Variants in MBOAT1 observed in about 807,000 individuals in gnomAD.
The protein encoded by MBOAT1 is membrane bound glycerophospholipid O-acyltransferase 1, also known as membrane-bound glycerophospholipid O-acyltransferase 1.
In MBOAT1, 67 loss-of-function variants were observed where a neutral mutation model predicts 64.4. The observed-to-expected ratio is 1.04, with a 90% CI of 0.85 to 1.27. The LOEUF (loss-of-function observed/expected upper bound fraction) is 1.27. Among genes scored for constraint, MBOAT1 ranks in the 50% most tolerant of loss-of-function variants. The probability of loss-of-function intolerance (pLI) is 0.00; values close to 1 mark genes in which losing one functional copy is unlikely to be tolerated. For missense variants in MBOAT1, 563 were observed against 604.6 expected (o/e 0.93, Z 0.72); for synonymous variants, 229 against 218.9 (o/e 1.05, Z -0.41).
chr6:20,102,514 T>A, intron 12 of MBOAT1, 102 bp from the exon 13 acceptor site: 2 of 992,322 alleles, frequency 2.0e-6, no homozygotes, highest in Non-Finnish European at 2.9e-6. Flanking sequence ...GAGCACCGCT[T>A]TTGGCAGTAG....
chr6:20,155,493 T>A (rs1761650681), intron 1 of MBOAT1, among the ~76,000 whole-genome samples: 1 of 152,222 alleles, frequency 6.6e-6, no homozygotes, highest in Admixed American at 6.5e-5. Context: ...GGGCTTCGAT[T>A]CCTTTATTTC....
intron 1 of MBOAT1, among the ~76,000 whole-genome samples, chr6:20,183,689 ACAAAAG>A (rs1762569761): frequency 6.6e-6 from 1 of 152,378 alleles, no homozygotes; most frequent in Non-Finnish European, 1.5e-5. Flanking sequence ...TTGTGACTGC[ACAAAAG>A]TATTGCTTCT....
At chr6:20,110,688 A>G (rs1423724821) in intron 11 of MBOAT1, among the ~76,000 whole-genome samples, 2 of 152,168 alleles carry the variant, frequency 1.3e-5, no homozygotes, top group South Asian at 2.1e-4. Flanking sequence ...ATTCATATGT[A>G]TCCATGTTAA....
At chr6:20,123,090 A>C (rs1760541468) in intron 8 of MBOAT1, among the ~76,000 whole-genome samples, 1 of 152,114 alleles carries the variant, frequency 6.6e-6, no homozygotes, top group Non-Finnish European at 1.5e-5. Flanking sequence ...TTAGCCTCCC[A>C]AAGTGCTAGG....
rs1432730725 is a variant in MBOAT1 at position 20,111,805 on chromosome 6, C to CATATAGATACATATATATACAT, written c.1209+1070_1209+1071insATGTATATATATGTATCTATAT. On this transcript the variant is annotated intron_variant, in intron 11 of 12. Transcript: ENST00000324607. ...AGCATGAACAGTAATCCACTTTGTTCATATATATACATATATATACATATA... is the reference window on the plus strand; with the variant it reads ...AGCATGAACAGTAATCCACTTTGTTCATATAGATACATATATATACATATATATATACATATATATACATATA... Among the ~76,000 whole-genome samples, 325 of 59,256 alleles carry CATATAGATACATATATATACAT rather than the reference C, an allele frequency of 5.5e-3. 5 individuals are homozygous for CATATAGATACATATATATACAT. Among genetic ancestry groups the CATATAGATACATATATATACAT allele is most frequent in the Middle Eastern group, 0.037 (4 of 108 alleles). The allele number at this position is 59,256 out of a possible 152,430, so 38.9% of individuals were successfully genotyped here.
At chr6:20,115,430 G>A (rs1051662144) in intron 9 of MBOAT1, 78 bp from the exon 10 acceptor site, 4 of 1,204,888 alleles carry the variant, frequency 3.3e-6, no homozygotes, top group Non-Finnish European at 4.9e-6. Flanking sequence ...AGTTTCCCTG[G>A]CAGCAGGTTA....
At chr6:20,177,792 CAA>C (rs80095138) in intron 1 of MBOAT1, among the ~76,000 whole-genome samples, 1 of 57,184 alleles carries the variant, frequency 1.7e-5, no homozygotes, top group Non-Finnish European at 4.3e-5. Context: ...AAAAAAAAAA[CAA>C]AAAACTTGGT....
intron 4 of MBOAT1, among the ~76,000 whole-genome samples, chr6:20,139,608 C>T (rs1201226193): frequency 8.3e-6 from 1 of 120,750 alleles, no homozygotes; most frequent in Non-Finnish European, 1.6e-5. Context: ...AGGTGGAGTA[C>T]AGTGGCATTA....
At chr6:20,139,439 T>C (rs879749484) in intron 4 of MBOAT1, among the ~76,000 whole-genome samples, 3 of 151,676 alleles carry the variant, frequency 2.0e-5, no homozygotes, top group Non-Finnish European at 4.4e-5. Flanking sequence ...TAATTGCATC[T>C]GCAAAGACTA....
At chr6:20,104,320 T>A (rs1216296707) in intron 12 of MBOAT1, among the ~76,000 whole-genome samples, 1 of 152,244 alleles carries the variant, frequency 6.6e-6, no homozygotes, top group Non-Finnish European at 1.5e-5. Context: ...ACTAACACTT[T>A]AACCCATTGC....
In MBOAT1 at chr6:20,152,343, A is replaced by T. The variant is rs1253903362; in HGVS notation, c.245+281T>A. Among the ~76,000 whole-genome samples the T allele has an allele frequency of 2.2e-4, 8 of 36,770 alleles. No homozygotes were observed. In the Admixed American group the frequency reaches 2.6e-3, roughly 12 times the overall value. 24.1% of individuals were successfully genotyped at this position (36,770 alleles called of 152,430 possible). A position where few individuals can be genotyped will look rare whatever the true frequency, so the allele number is the denominator to read the frequency against. ...CTCCGTCTCAAAAAAAAAAAATAAA[A>T]AATAAATAAATAAATAAATAAATTA... is the stretch of plus-strand genomic sequence containing the variant. On this transcript the variant is annotated intron_variant, in intron 2 of 12. Coordinates refer to ENST00000324607, the MANE Select transcript of MBOAT1 (RefSeq NM_001080480.3).
At chr6:20,104,433 T>C (rs1206339612) in intron 12 of MBOAT1, among the ~76,000 whole-genome samples, 1 of 152,194 alleles carries the variant, frequency 6.6e-6, no homozygotes, top group Non-Finnish European at 1.5e-5. Flanking sequence ...TCATCTAAAC[T>C]AATAAAAAAA....
chr6:20,124,964 T>G (rs541783542), intron 7 of MBOAT1, among the ~76,000 whole-genome samples: 21 of 152,166 alleles, frequency 1.4e-4, no homozygotes, highest in Non-Finnish European at 2.6e-4. Flanking sequence ...CACATTTGCC[T>G]TCTATTCCTG....
rs200213957 is a variant in MBOAT1, at chr6:20,212,137, T to C, written c.98A>G (p.Gln33Arg). 84 of 1,613,246 alleles carry C rather than the reference T, an allele frequency of 5.2e-5. No individual in the cohort carries two copies. The highest frequency in any genetic ancestry group is 4.4e-5 in the Non-Finnish European group (52 of 1,179,770). ...GCTGCGCTCCCGGCCTGCAGTTACCTGGTCCAGCGGGATGCCCAGGAGCTC... is the reference window on the plus strand; with the variant it reads ...GCTGCGCTCCCGGCCTGCAGTTACCCGGTCCAGCGGGATGCCCAGGAGCTC... ...LSELLGIPLD[Q>R]VNFVVCQLVA... Residue 33 changes from glutamine to arginine, a missense_variant and splice_region_variant, in exon 1 of 13, where the codon CAG (glutamine) becomes CGG (arginine). Gln to Arg is a conservative substitution (Grantham distance 43). Transcript: ENST00000324607.
chr6:20,109,685 C>G lies in MBOAT1; in HGVS notation c.1274G>C (p.Gly425Ala). 6.2e-7 allele frequency: 1 copy of G among 1,614,080 alleles called. No individual in the cohort carries two copies. The highest frequency in any genetic ancestry group is 8.5e-7 in the Non-Finnish European group (1 of 1,180,006). Residue 425 changes from glycine (G) to alanine (A), a missense_variant, in exon 12 of 13, where the codon GGC becomes GCC. Physicochemically the swap from Gly to Ala is moderately conservative, Grantham distance 60 (BLOSUM62 0). Transcript: ENST00000324607. ...AGCCAGCTGAGTGACGGCCCAGGTG[C>G]CTGCATCATACACAGCCTTGAGAGC... Reference protein sequence around the residue: ...SRALKAVYDAGTWAVTQLAVS... With the variant: ...SRALKAVYDAATWAVTQLAVS...
chr6:20,170,635 T>G (rs1211254826), intron 1 of MBOAT1, among the ~76,000 whole-genome samples: 1 of 152,168 alleles, frequency 6.6e-6, no homozygotes, highest in African/African-American at 2.4e-5. Flanking sequence ...ACAACCCTCC[T>G]GCTCCTCCCC....
At chr6:20,121,458 C>T in intron 8 of MBOAT1, among the ~76,000 whole-genome samples, 1 of 152,134 alleles carries the variant, frequency 6.6e-6, no homozygotes, top group East Asian at 1.9e-4. Flanking sequence ...AAAAGGGAAG[C>T]ATGGGGGGGA....
chr6:20,107,987 A>C (rs1451682250), intron 12 of MBOAT1, among the ~76,000 whole-genome samples: 1 of 152,116 alleles, frequency 6.6e-6, no homozygotes, highest in Non-Finnish European at 1.5e-5. Context: ...ACAAATGGGA[A>C]TGAAATTGGA....
intron 9 of MBOAT1, among the ~76,000 whole-genome samples, chr6:20,115,671 A>G (rs1448267169): frequency 6.6e-6 from 1 of 152,198 alleles, no homozygotes; most frequent in Non-Finnish European, 1.5e-5. Flanking sequence ...GAATTTTATA[A>G]TTAAATATTC....
Sources: gnomAD v4.1 joint callset for allele counts (sites outside exome capture counted in the v4.1 genomes callset) on GRCh38, gnomAD v4.1.1 for gene constraint, MANE v1.5 for transcripts, NCBI Gene and HGNC (gene_info 2026-07-23, HGNC 2026-07-21) for gene names.